PLK5: variants seen among roughly 807,000 people sequenced by gnomAD.
The protein encoded by PLK5 is inactive serine/threonine-protein kinase PLK5.
PLK5 carries 28 observed loss-of-function variants against 33.7 expected under a neutral mutation model. The ratio of observed to expected loss-of-function variants is 0.83; its 90% CI spans 0.62 to 1.14. The LOEUF (loss-of-function observed/expected upper bound fraction) is 1.14. Ranked by LOEUF, PLK5 falls within the 50% of genes most tolerant of loss-of-function variation. The probability of loss-of-function intolerance (pLI) is 0.00; values close to 1 mark genes in which losing one functional copy is unlikely to be tolerated. For synonymous variants in PLK5, 225 were observed against 202.2 expected (o/e 1.11, Z -0.96); for missense variants, 492 against 461.5 (o/e 1.07, Z -0.61).
At chr19:1,532,000 GT>G in intron 12 of PLK5, 117 bp downstream of exon 12, 2 of 1,194,600 alleles carry the variant, frequency 1.7e-6, no homozygotes, top group Non-Finnish European at 2.2e-6. Context: ...TCCCTGCCTG[GT>G]CGGGGAGAAC....
chr19:1,531,951 A>G, intron 12 of PLK5, 68 bp downstream of exon 12: 1 of 1,411,360 alleles, frequency 7.1e-7, no homozygotes, highest in Non-Finnish European at 9.2e-7. Flanking sequence ...TCATCTCTCA[A>G]GTATTTATTA....
At chr19:1,532,906 T>A (rs1212551878) in intron 12 of PLK5, among the ~76,000 whole-genome samples, 3 of 152,058 alleles carry the variant, frequency 2.0e-5, no homozygotes, top group Non-Finnish European at 2.9e-5. Flanking sequence ...GACCTCGTGA[T>A]CTGCCCGCCT....
Position 1,535,539 on chromosome 19 carries a change from TCC to T in PLK5, c.*291_*292del. 2.4e-6 allele frequency: 1 copy of T among 418,740 alleles called. No homozygotes were observed. The highest frequency in any genetic ancestry group is 2.2e-5 in the African/African-American group (1 of 46,042). 25.9% of individuals were successfully genotyped at this position (418,740 alleles called of 1,614,324 possible). A position where few individuals can be genotyped will look rare whatever the true frequency, so the allele number is the denominator to read the frequency against. ...GTTGACCCCACGTGACGTTGCATCC[TCC>T]CTGTTTCTCTTAGTGGCAGAGGTGG... On this transcript the variant is annotated 3_prime_UTR_variant, in exon 14 of 14. Transcript: ENST00000454744.
rs567702382 is a variant in PLK5 at position 1,524,114 on chromosome 19, G to C, written c.-676G>C. On this transcript the variant is annotated 5_prime_UTR_variant, in exon 1 of 14. Coordinates refer to ENST00000454744, the MANE Select transcript of PLK5 (RefSeq NM_001243079.2). This position sits in a 1 kb window ranked among gnomAD's most constrained non-coding sequence, Gnocchi z 4.5. Reference sequence around the variant, plus strand: ...GAGCGGCCGCAGCGCGGTGGTCTCGGCCCGGCTGCGCCAGAGTCCGCGCGA... The same window carrying C: ...GAGCGGCCGCAGCGCGGTGGTCTCGCCCCGGCTGCGCCAGAGTCCGCGCGA... 2 of 151,068 alleles carry C rather than the reference G, an allele frequency of 1.3e-5. No homozygotes were observed. The highest frequency in any genetic ancestry group is 3.0e-5 in the Non-Finnish European group (2 of 67,610). 9.4% of individuals were successfully genotyped at this position (151,068 alleles called of 1,614,324 possible). A position where few individuals can be genotyped will look rare whatever the true frequency, so the allele number is the denominator to read the frequency against.
rs142987494 is a variant in PLK5, at chr19:1,526,538, G to T, written c.-260G>T. 9.2e-3 allele frequency: 2,657 copies of T among 289,996 alleles called. 22 individuals are homozygous for T. The highest frequency in any genetic ancestry group is 0.021 in the Middle Eastern group (17 of 818). The allele number at this position is 289,996 out of a possible 1,614,324, so 18.0% of individuals were successfully genotyped here. A position where few individuals can be genotyped will look rare whatever the true frequency, so the allele number is the denominator to read the frequency against. On this transcript the variant is annotated 5_prime_UTR_variant, in exon 4 of 14. Coordinates refer to ENST00000454744, the MANE Select transcript of PLK5 (RefSeq NM_001243079.2). ...CAGATCCTGACGGAGCCAGAAGTGCGCGACTACCTGCGGGGCCTGGTCAGC... is the reference window on the plus strand; with the variant it reads ...CAGATCCTGACGGAGCCAGAAGTGCTCGACTACCTGCGGGGCCTGGTCAGC...
At chr19:1,529,925 A>G in intron 11 of PLK5, 101 bp downstream of exon 11, 10 of 1,275,402 alleles carry the variant, frequency 7.8e-6, no homozygotes, top group Non-Finnish European at 1.1e-5. Flanking sequence ...TCTGGGGGTG[A>G]GGAGTAGGGG....
intron 6 of PLK5, among the ~76,000 whole-genome samples, 167 bp downstream of exon 6, chr19:1,527,165 T>A (rs537387191): frequency 6.7e-6 from 1 of 149,908 alleles, no homozygotes; most frequent in Non-Finnish European, 1.5e-5. Context: ...GGGAGGCGTG[T>A]GTGAGGGAGG....
rs1180830205 is a variant in PLK5, at chr19:1,531,744, A to T, written c.575A>T (p.Gln192Leu). The change falls in exon 12 of 14, where the codon CAG (glutamine) becomes CTG (leucine). Residue 192 changes from glutamine to leucine, a missense_variant. Transcript: ENST00000454744. Reference protein sequence around the residue: ...LCLDVGPPATQDPLGEQQPIL... With the variant: ...LCLDVGPPATLDPLGEQQPIL... ...TACCTTTGTTTGTGCCCAGCCACAC[A>T]GGACCCCCTGGGAGAGCAGCAGCCC... 3.3e-6 allele frequency: 5 copies of T among 1,536,618 alleles called. No individual in the cohort carries two copies. Among genetic ancestry groups the T allele is most frequent in the Non-Finnish European group, 4.4e-6 (5 of 1,147,142 alleles).
At chr19:1,535,000 C>T (rs72987566) in intron 13 of PLK5, 65 bp from the exon 14 acceptor site, 57,285 of 1,367,514 alleles carry the variant, frequency 0.042, 1,490 homozygotes, top group Non-Finnish European at 0.048. Flanking sequence ...CCTTCTGGAG[C>T]GCCACGGCTG....
At chr19:1,529,912 A>G in intron 11 of PLK5, 88 bp downstream of exon 11, 1 of 1,368,438 alleles carries the variant, frequency 7.3e-7, no homozygotes. Context: ...CCTCCTGGGT[A>G]TTTCTGGGGG....
In PLK5 at chr19:1,528,538, C is replaced by T. The variant is rs1280893858; in HGVS notation, c.328+110C>T. The T allele has an allele frequency of 7.7e-4, 539 of 704,294 alleles. 40 individuals carry two copies. In the African/African-American group the frequency reaches 0.018, roughly 23 times the overall value. The allele number at this position is 704,294 out of a possible 1,614,324, so 43.6% of individuals were successfully genotyped here. Reference sequence around the variant, plus strand: ...CCTGCCCACACCTCCCACCTGCCCACGCCTCCCACCTGCCCACGCCTCCCA... The same window carrying T: ...CCTGCCCACACCTCCCACCTGCCCATGCCTCCCACCTGCCCACGCCTCCCA... On this transcript the variant is annotated intron_variant, in intron 8 of 13. Coordinates refer to ENST00000454744, the MANE Select transcript of PLK5 (RefSeq NM_001243079.2).
At chr19:1,532,005 G>C (rs919393786) in intron 12 of PLK5, 122 bp downstream of exon 12, 8 of 1,151,528 alleles carry the variant, frequency 6.9e-6, no homozygotes, top group Non-Finnish European at 9.2e-6. Context: ...GCCTGGTCGG[G>C]GAGAACAACA....
chr19:1,531,945 C>T lies in PLK5; in HGVS notation c.714+62C>T, dbSNP rs1232189865. Reference sequence around the variant, plus strand: ...ACTCCCCCTGCCTTTTTTCATTCATCTCTCAAGTATTTATTAAGCACCTAC... The same window carrying T: ...ACTCCCCCTGCCTTTTTTCATTCATTTCTCAAGTATTTATTAAGCACCTAC... On this transcript the variant is annotated intron_variant, in intron 12 of 13. Coordinates refer to ENST00000454744, the MANE Select transcript of PLK5 (RefSeq NM_001243079.2). 4 of 1,414,628 alleles carry T rather than the reference C, an allele frequency of 2.8e-6. No individual in the cohort carries two copies. In the African/African-American group the frequency reaches 5.9e-5, roughly 21 times the overall value. 87.6% of individuals were successfully genotyped at this position (1,414,628 alleles called of 1,614,324 possible).
At position 1,528,482 on chromosome 19, in the gene PLK5, GCCCACAC is replaced by G. The variant is rs1913815915; in HGVS notation, c.328+56_328+62del. 6.5e-6 allele frequency: 9 copies of G among 1,387,024 alleles called. 1 individual carries two copies. The South Asian group carries it at 1.3e-4, about 20-fold the overall frequency. The allele number at this position is 1,387,024 out of a possible 1,614,324, so 85.9% of individuals were successfully genotyped here. On this transcript the variant is annotated intron_variant, in intron 8 of 13. Transcript: ENST00000454744. ...CAACACCTGCCCACGCCTCCCACCT[GCCCACAC>G]CTCCCACCTGCCCACGCCTCCCACC...
chr19:1,533,852 A>G, intron 12 of PLK5, 79 bp from the exon 13 acceptor site: 1 of 1,096,228 alleles, frequency 9.1e-7, no homozygotes, highest in Non-Finnish European at 1.3e-6. Context: ...GCGGGAGGTG[A>G]GAGCTGGGGT....
intron 13 of PLK5, among the ~76,000 whole-genome samples, 181 bp from the exon 14 acceptor site, chr19:1,534,884 T>A (rs1239739256): frequency 6.6e-6 from 1 of 151,636 alleles, no homozygotes; most frequent in Admixed American, 6.6e-5. Flanking sequence ...GAGCCTCAGT[T>A]TCCCCAGGTG....
At chr19:1,528,698 CACCTGCCCACACCTGCCTACGCCTGCT>C (rs1370412011) in intron 8 of PLK5, among the ~76,000 whole-genome samples, 173 bp from the exon 9 acceptor site, 3 of 143,446 alleles carry the variant, frequency 2.1e-5, no homozygotes, top group Non-Finnish European at 3.0e-5. Context: ...TCACACCTCC[CACCTGCCCACACCTGCCTACGCCTGCT>C]ACCTGCCCCC....
At position 1,529,045 on chromosome 19, in the gene PLK5, C is replaced by A. The variant is rs971562050; in HGVS notation, c.405+71C>A. The A allele has an allele frequency of 4.2e-5, 56 of 1,333,762 alleles. No homozygotes were observed. The African/African-American group carries it at 6.8e-4, about 16-fold the overall frequency. The allele number at this position is 1,333,762 out of a possible 1,614,324, so 82.6% of individuals were successfully genotyped here. ...ATGCTGGCCCCTGCTAAAACCCCCT[C>A]CCCCATGCCGGCTTCTCTGAACCCC... On this transcript the variant is annotated intron_variant, in intron 9 of 13. Coordinates refer to ENST00000454744, the MANE Select transcript of PLK5 (RefSeq NM_001243079.2).
chr19:1,532,627 A>G (rs889005734), intron 12 of PLK5, among the ~76,000 whole-genome samples: 1 of 147,704 alleles, frequency 6.8e-6, no homozygotes, highest in East Asian at 2.0e-4. Flanking sequence ...GGTTCACACC[A>G]TTCTCCTGCC....
Sources: gnomAD v4.1 joint callset for allele counts (sites outside exome capture counted in the v4.1 genomes callset) on GRCh38, gnomAD v4.1.1 for gene constraint, Gnocchi (gnomAD v3.1) non-coding constraint, MANE v1.5 for transcripts, NCBI Gene and HGNC (gene_info 2026-07-23, HGNC 2026-07-21) for gene names.